The following SGCZ variants were observed in gnomAD, a reference collection of about 807,000 sequenced individuals.
SGCZ encodes sarcoglycan zeta, also known as zeta-sarcoglycan.
A neutral mutation model predicts 41.3 loss-of-function variants in SGCZ; 40 were observed. The ratio of observed to expected loss-of-function variants is 0.97; its 90% confidence interval spans 0.75 to 1.26. The LOEUF (loss-of-function observed/expected upper bound fraction) is 1.26. Among genes scored for constraint, SGCZ ranks in the 50% most tolerant of loss-of-function variants. SGCZ has a pLI of 0.00. For missense variants in SGCZ, 552 were observed against 369.8 expected (o/e 1.49, Z -4.04); for synonymous variants, 206 against 137.5 (o/e 1.50, Z -3.49).
At chr8:14,145,528 C>T (rs924249190) in intron 5 of SGCZ, among the ~76,000 whole-genome samples, 2 of 152,290 alleles carry the variant, frequency 1.3e-5, no homozygotes, top group Non-Finnish European at 2.9e-5. Context: ...AATGCCCAGA[C>T]ACCAAAGAAC....
chr8:14,681,948 T>A (rs1434244799), intron 1 of SGCZ, among the ~76,000 whole-genome samples: 1 of 151,960 alleles, frequency 6.6e-6, no homozygotes, highest in Non-Finnish European at 1.5e-5. Context: ...TTAATATTAA[T>A]AATAAATAAT....
chr8:15,030,305 G>T (rs1412207387), intron 1 of SGCZ, among the ~76,000 whole-genome samples: 1 of 152,038 alleles, frequency 6.6e-6, no homozygotes, highest in African/African-American at 2.4e-5. Flanking sequence ...TCAGAAAATA[G>T]CACGGTGAAA....
chr8:14,159,276 G>C (rs930669720), intron 5 of SGCZ, among the ~76,000 whole-genome samples: 1 of 152,104 alleles, frequency 6.6e-6, no homozygotes, highest in Non-Finnish European at 1.5e-5. Flanking sequence ...GCAGGGGAAT[G>C]AACTGTCCTC....
At chr8:14,811,461 C>T (rs60552226) in intron 1 of SGCZ, among the ~76,000 whole-genome samples, 2 of 142,506 alleles carry the variant, frequency 1.4e-5, no homozygotes, top group African/African-American at 5.2e-5. Flanking sequence ...ACCTGGAGAT[C>T]GTCAGAGATA....
intron 2 of SGCZ, among the ~76,000 whole-genome samples, chr8:14,541,081 A>G (rs1408964266): frequency 6.6e-6 from 1 of 151,508 alleles, no homozygotes; most frequent in Non-Finnish European, 1.5e-5. Context: ...ATACAAAAAC[A>G]CAACACATAC....
chr8:14,714,867 G>A (rs750205942), intron 1 of SGCZ, among the ~76,000 whole-genome samples: 6 of 152,026 alleles, frequency 3.9e-5, no homozygotes, highest in South Asian at 2.1e-4. Context: ...CAGGGAATGC[G>A]GGGATGTTTT....
chr8:14,917,697 T>C (rs1017832859), intron 1 of SGCZ, among the ~76,000 whole-genome samples: 1 of 152,112 alleles, frequency 6.6e-6, no homozygotes, highest in Non-Finnish European at 1.5e-5. Flanking sequence ...CCACTCATAA[T>C]GGGGCAAGGA....
chr8:14,512,389 A>T (rs1362253378), intron 2 of SGCZ, among the ~76,000 whole-genome samples: 2 of 152,112 alleles, frequency 1.3e-5, no homozygotes, highest in African/African-American at 4.8e-5. Flanking sequence ...TTTATTTTCC[A>T]TTGGTATTTT....
intron 1 of SGCZ, among the ~76,000 whole-genome samples, chr8:14,898,331 A>AC (rs1805279826): frequency 6.6e-6 from 1 of 152,176 alleles, no homozygotes; most frequent in Non-Finnish European, 1.5e-5. Context: ...ATGCAATGTC[A>AC]ACAGCCTGTG....
At chr8:14,948,877 TTC>T (rs3069796) in intron 1 of SGCZ, among the ~76,000 whole-genome samples, 85,617 of 130,700 alleles carry the variant, frequency 0.66, 25,067 homozygotes, top group African/African-American at 0.75. Context: ...TACAGCTTTT[TTC>T]TCTCTCTCTC....
chr8:15,184,554 C>T (rs1390734520), intron 1 of SGCZ, among the ~76,000 whole-genome samples: 1 of 151,634 alleles, frequency 6.6e-6, no homozygotes, highest in African/African-American at 2.4e-5. Context: ...AGACTGGTCC[C>T]GAAGGATTTC....
chr8:14,865,276 C>A (rs1803889996), intron 1 of SGCZ, among the ~76,000 whole-genome samples: 1 of 152,162 alleles, frequency 6.6e-6, no homozygotes, highest in African/African-American at 2.4e-5. Context: ...TTCCAGTTAA[C>A]TCTGCTGGAA....
chr8:14,106,171 A>G (rs796540176), intron 6 of SGCZ, among the ~76,000 whole-genome samples: 13 of 152,342 alleles, frequency 8.5e-5, no homozygotes, highest in African/African-American at 2.9e-4. Context: ...AGGATGTGGT[A>G]AGATAACAGT....
At chr8:14,971,889 C>G (rs867599349) in intron 1 of SGCZ, among the ~76,000 whole-genome samples, 3 of 152,022 alleles carry the variant, frequency 2.0e-5, no homozygotes, top group Non-Finnish European at 4.4e-5. Context: ...GTCTCGTGAT[C>G]ACCCTGCCTC....
intron 4 of SGCZ, among the ~76,000 whole-genome samples, chr8:14,166,178 G>A (rs1804204415): frequency 1.3e-5 from 2 of 151,988 alleles, no homozygotes; most frequent in African/African-American, 4.8e-5. Flanking sequence ...GGGCTGTAAA[G>A]TTTAAAATAA....
chr8:15,015,142 C>A (rs189335386), intron 1 of SGCZ, among the ~76,000 whole-genome samples: 1 of 151,836 alleles, frequency 6.6e-6, no homozygotes, highest in African/African-American at 2.4e-5. Context: ...ACTTGGGAGG[C>A]TGAGGTGGAA....
intron 2 of SGCZ, among the ~76,000 whole-genome samples, chr8:14,415,986 GT>G (rs1799481496): frequency 6.6e-6 from 1 of 151,784 alleles, no homozygotes; most frequent in Non-Finnish European, 1.5e-5. Context: ...TTATTGTATG[GT>G]TTCCAAAAGG....
intron 1 of SGCZ, among the ~76,000 whole-genome samples, chr8:14,744,806 C>T (rs1799295615): frequency 6.6e-6 from 1 of 152,058 alleles, no homozygotes; most frequent in African/African-American, 2.4e-5. Flanking sequence ...AATTATGTAC[C>T]AGCAGGGTAA....
chr8:14,475,182 A>G (rs1180064543), intron 2 of SGCZ, among the ~76,000 whole-genome samples: 1 of 152,168 alleles, frequency 6.6e-6, no homozygotes, highest in African/African-American at 2.4e-5. Flanking sequence ...CAAAAGAATT[A>G]TATTTCAATA....
Sources: gnomAD v4.1 joint callset for allele counts (sites outside exome capture counted in the v4.1 genomes callset) on GRCh38, gnomAD v4.1.1 for gene constraint, MANE v1.5 for transcripts, NCBI Gene and HGNC (gene_info 2026-07-23, HGNC 2026-07-21) for gene names.